CHSY1: variants seen among roughly 807,000 people sequenced by gnomAD.
CHSY1 encodes chondroitin sulfate synthase 1.
CHSY1 carries 13 observed loss-of-function variants against 59.8 expected under a neutral mutation model. That is an observed-to-expected ratio of 0.22 (90% CI 0.14 to 0.35). CHSY1 has a LOEUF of 0.35. CHSY1 is among the 10% of genes least tolerant of loss of function. The pLI, the probability that CHSY1 is intolerant of heterozygous loss-of-function variation, is 1.00. For synonymous variants in CHSY1, 459 were observed against 401.2 expected (o/e 1.14, Z -1.72); for missense variants, 947 against 1,030.6 (o/e 0.92, Z 1.11).
chr15:101,210,098 G>C (rs2038668856), intron 2 of CHSY1, among the ~76,000 whole-genome samples: 1 of 152,018 alleles, frequency 6.6e-6, no homozygotes, highest in Admixed American at 6.5e-5. Context: ...AAAAAGCATG[G>C]AAAAGAAAAA....
intron 2 of CHSY1, among the ~76,000 whole-genome samples, chr15:101,226,277 C>T (rs1263062450): frequency 6.6e-6 from 1 of 152,206 alleles, no homozygotes; most frequent in East Asian, 1.9e-4. Flanking sequence ...GTAGCCCTCA[C>T]ATTTCACAAG....
intron 2 of CHSY1, among the ~76,000 whole-genome samples, chr15:101,188,595 T>TAA (rs3034964): frequency 0.46 from 68,967 of 149,550 alleles, 17,896 homozygotes; most frequent in African/African-American, 0.7. Context: ...CTTTAGTGGT[T>TAA]AAAAAAAAAA....
chr15:101,178,899 CT>C lies in CHSY1; in HGVS notation c.897del (p.Ala300LeufsTer21). ...IRDLHNSKIH[Q>X]AITLHPNKNP... The stretch of plus-strand genomic sequence containing the variant: ...TTTTTGTTGGGGTGTAATGTGATAG[CT>C]TGGTGAATTTTACTGTTATGGAGAT... On this transcript the variant is annotated frameshift_variant, in exon 3 of 3. Coordinates refer to ENST00000254190, the MANE Select transcript of CHSY1 (RefSeq NM_014918.5). LOFTEE classifies it high-confidence loss of function. The C allele has an allele frequency of 6.2e-7, 1 of 1,614,058 alleles. No individual in the cohort carries two copies. Among genetic ancestry groups the C allele is most frequent in the African/African-American group, 1.3e-5 (1 of 75,014 alleles).
chr15:101,221,824 G>GTTTC (rs1248620505), intron 2 of CHSY1, among the ~76,000 whole-genome samples: 1 of 151,662 alleles, frequency 6.6e-6, no homozygotes, highest in Non-Finnish European at 1.5e-5. Context: ...TTTTTTGTTT[G>GTTTC]TTTCTTAAGA....
chr15:101,212,456 G>C (rs1265734055), intron 2 of CHSY1, among the ~76,000 whole-genome samples: 2 of 152,218 alleles, frequency 1.3e-5, no homozygotes, highest in Non-Finnish European at 2.9e-5. Context: ...ATGAGCAACT[G>C]ATACACACGA....
Position 101,229,927 on chromosome 15 carries a change from T to C in CHSY1, c.816+5155A>G, listed in dbSNP as rs147331617. On this transcript the variant is annotated intron_variant, in intron 2 of 2. Coordinates refer to ENST00000254190, the MANE Select transcript of CHSY1 (RefSeq NM_014918.5). ...GCCTCAAAAATAATAATGATGATAT[T>C]AGAGACTTCAATATCCCACTTTTTT... Among the ~76,000 whole-genome samples, 251 of 151,488 alleles carry C rather than the reference T, an allele frequency of 1.7e-3. 4 individuals carry two copies. In the East Asian group the frequency reaches 0.043, roughly 26 times the overall value.
Position 101,235,459 on chromosome 15 carries a change from T to G in CHSY1, c.439A>C (p.Lys147Gln). Residue 147 changes from lysine (K) to glutamine (Q), a missense_variant, in exon 2 of 3, where the codon AAG (lysine) becomes CAG (glutamine). Coordinates refer to ENST00000254190, the MANE Select transcript of CHSY1 (RefSeq NM_014918.5). ...TACTTGAGCATCATGAAGGACTTCT[T>G]CTGGGGCGGGTAGGAGTCGTCCACA... Reference protein sequence around the residue: ...RGVDDSYPPQKKSFMMLKYMH... With the variant: ...RGVDDSYPPQQKSFMMLKYMH... 1 of 1,614,222 alleles carries G rather than the reference T, an allele frequency of 6.2e-7. No homozygotes were observed. The highest frequency in any genetic ancestry group is 1.1e-5 in the South Asian group (1 of 91,090).
intron 1 of CHSY1, among the ~76,000 whole-genome samples, chr15:101,237,322 C>G (rs904344764): frequency 6.6e-6 from 1 of 151,394 alleles, no homozygotes; most frequent in African/African-American, 2.4e-5. Flanking sequence ...CCACAGGAAG[C>G]CTCTAGAGGG....
intron 2 of CHSY1, among the ~76,000 whole-genome samples, chr15:101,213,844 C>T (rs1163388405): frequency 6.6e-6 from 1 of 152,218 alleles, no homozygotes; most frequent in Non-Finnish European, 1.5e-5. Flanking sequence ...ATTTCCTAGA[C>T]TCGGTGTTTA....
chr15:101,188,241 G>C (rs754622512), intron 2 of CHSY1: 1 of 962,836 alleles, frequency 1.0e-6, no homozygotes. Flanking sequence ...TTCAAAGAAA[G>C]TAAGCGTTGT....
chr15:101,178,124 C>T lies in CHSY1; in HGVS notation c.1673G>A (p.Cys558Tyr). 2 of 1,614,212 alleles carry T rather than the reference C, an allele frequency of 1.2e-6. No individual in the cohort carries two copies. The highest frequency in any genetic ancestry group is 1.7e-6 in the Non-Finnish European group (2 of 1,180,026). ...VRFMGNFEKT[C>Y]LIPNQNVKLV... ...CTTGACGTTCTGATTGGGGATAAGA[C>T]ACGTCTTCTCAAAGTTTCCCATAAA... The change falls in exon 3 of 3, where the codon TGT (cysteine) becomes TAT (tyrosine). Residue 558 changes from cysteine (C) to tyrosine (Y), a missense_variant. Transcript: ENST00000254190.
intron 2 of CHSY1, 62 bp from the exon 3 acceptor site, chr15:101,179,042 C>T (rs2038239479): frequency 1.3e-6 from 2 of 1,515,598 alleles, no homozygotes; most frequent in Non-Finnish European, 1.8e-6. Context: ...CCAGCACATG[C>T]TAAAGAAAAT....
chr15:101,190,033 G>C (rs143132189), intron 2 of CHSY1, among the ~76,000 whole-genome samples: 2 of 152,278 alleles, frequency 1.3e-5, no homozygotes, highest in East Asian at 3.9e-4. Flanking sequence ...TGTTGAGTGC[G>C]GTGGGGTTAA....
intron 2 of CHSY1, among the ~76,000 whole-genome samples, chr15:101,202,683 T>G (rs2038585916): frequency 1.3e-5 from 2 of 152,184 alleles, no homozygotes; most frequent in African/African-American, 4.8e-5. Context: ...CACTCACTGG[T>G]AAACATGGAA....
chr15:101,188,246 C>T lies in CHSY1; in HGVS notation c.817-9266G>A, dbSNP rs778461377. On this transcript the variant is annotated intron_variant, in intron 2 of 2. Coordinates refer to ENST00000254190, the MANE Select transcript of CHSY1 (RefSeq NM_014918.5). ...TGAAAAGTGGTTCAAAGAAAGTAAG[C>T]GTTGTCTAAATGTCAAGAGACCGTA... The T allele has an allele frequency of 3.1e-6, 3 of 954,732 alleles. No homozygotes were observed. In the South Asian group the frequency reaches 1.5e-4, roughly 46 times the overall value. The allele number at this position is 954,732 out of a possible 1,614,324, so 59.1% of individuals were successfully genotyped here. A position where few individuals can be genotyped will look rare whatever the true frequency, so the allele number is the denominator to read the frequency against.
chr15:101,235,695 G>C, intron 1 of CHSY1, 118 bp from the exon 2 acceptor site: 2 of 1,170,620 alleles, frequency 1.7e-6, no homozygotes, highest in East Asian at 2.4e-5. Context: ...AAGCTACTTG[G>C]CCTGCTTGGT....
At chr15:101,240,670 C>T (rs958495843) in intron 1 of CHSY1, among the ~76,000 whole-genome samples, 3 of 152,132 alleles carry the variant, frequency 2.0e-5, no homozygotes, top group Admixed American at 6.5e-5. Context: ...TAAGGAATGC[C>T]TTTGCTGGTT....
chr15:101,188,251 T>C (rs2038396394), intron 2 of CHSY1: 2 of 942,576 alleles, frequency 2.1e-6, no homozygotes, highest in South Asian at 4.9e-5. Context: ...GTAAGCGTTG[T>C]CTAAATGTCA....
At chr15:101,191,907 A>C (rs1472414434) in intron 2 of CHSY1, among the ~76,000 whole-genome samples, 1 of 146,056 alleles carries the variant, frequency 6.8e-6, no homozygotes, top group Non-Finnish European at 1.5e-5. Context: ...TGCTCTAAGC[A>C]AAAAAAAAAA....
Sources: allele counts gnomAD v4.1 joint callset (sites outside exome capture counted in the v4.1 genomes callset), GRCh38; gene constraint gnomAD v4.1.1; transcripts MANE v1.5; gene names NCBI Gene and HGNC (gene_info 2026-07-23, HGNC 2026-07-21).